The following PTPRD variants were observed in gnomAD, a reference collection of about 807,000 sequenced individuals.
The protein encoded by PTPRD is receptor-type tyrosine-protein phosphatase delta.
In PTPRD, 34 loss-of-function variants were observed where a neutral mutation model predicts 214.5. That is an observed-to-expected ratio of 0.16 (90% CI 0.12 to 0.21). The LOEUF (loss-of-function observed/expected upper bound fraction) is 0.21. Among genes scored for constraint, PTPRD ranks in the 10% least tolerant of loss-of-function variants. The pLI is 1.00. For synonymous variants in PTPRD, 1,128 were observed against 845.7 expected (o/e 1.33, Z -5.79); for missense variants, 2,545 against 2,398.7 (o/e 1.06, Z -1.27).
chr9:9,760,029 C>T (rs1463375849), intron 6 of PTPRD, among the ~76,000 whole-genome samples: 2 of 152,084 alleles, frequency 1.3e-5, no homozygotes, highest in African/African-American at 4.8e-5. Context: ...AACTAGATTG[C>T]CAAGATTGTC....
intron 12 of PTPRD, among the ~76,000 whole-genome samples, chr9:8,705,608 A>C (rs2154399204): frequency 6.6e-6 from 1 of 152,328 alleles, no homozygotes; most frequent in Admixed American, 6.5e-5. Context: ...AGAAGACATA[A>C]AAGATATATC....
chr9:9,872,252 C>G (rs986726024), intron 5 of PTPRD, among the ~76,000 whole-genome samples: 2 of 152,046 alleles, frequency 1.3e-5, no homozygotes, highest in African/African-American at 4.8e-5. Context: ...GAATTCCAGC[C>G]AGAATATATA....
At chr9:9,977,958 T>C (rs1410051143) in intron 4 of PTPRD, among the ~76,000 whole-genome samples, 1 of 152,124 alleles carries the variant, frequency 6.6e-6, no homozygotes, top group Non-Finnish European at 1.5e-5. Context: ...GCTTTTGCTT[T>C]CATCTAGCAC....
intron 11 of PTPRD, among the ~76,000 whole-genome samples, chr9:8,953,302 C>G (rs991290263): frequency 6.6e-6 from 1 of 151,756 alleles, no homozygotes; most frequent in Non-Finnish European, 1.5e-5. Flanking sequence ...GAATGGCTAT[C>G]CATATGCAGA....
intron 10 of PTPRD, among the ~76,000 whole-genome samples, chr9:9,121,119 C>T (rs1207197796): frequency 6.6e-6 from 1 of 152,166 alleles, no homozygotes; most frequent in Non-Finnish European, 1.5e-5. Context: ...GATAATTTCT[C>T]TTGTAGTAAA....
chr9:9,796,534 C>T (rs962465181), intron 5 of PTPRD, among the ~76,000 whole-genome samples: 10 of 152,018 alleles, frequency 6.6e-5, no homozygotes, highest in African/African-American at 2.2e-4. Context: ...GATGAGAATT[C>T]TCAGGGAGGG....
At chr9:8,600,374 C>A (rs1456872601) in intron 14 of PTPRD, among the ~76,000 whole-genome samples, 2 of 152,150 alleles carry the variant, frequency 1.3e-5, no homozygotes, top group Admixed American at 6.5e-5. Flanking sequence ...TAGTGCTGCA[C>A]TGGGCTCACG....
chr9:8,755,305 G>A (rs1334545510), intron 11 of PTPRD, among the ~76,000 whole-genome samples: 1 of 151,706 alleles, frequency 6.6e-6, no homozygotes, highest in African/African-American at 2.4e-5. Context: ...CGAGGTGGAC[G>A]GATCACATGA....
intron 7 of PTPRD, among the ~76,000 whole-genome samples, chr9:9,615,518 T>C (rs547212551): frequency 2.3e-4 from 35 of 152,354 alleles, no homozygotes; most frequent in Middle Eastern, 3.4e-3. Flanking sequence ...GGTTGCCATA[T>C]AAAATTTCCT....
chr9:9,375,836 G>A (rs184191873), intron 9 of PTPRD, among the ~76,000 whole-genome samples: 61 of 152,156 alleles, frequency 4.0e-4, no homozygotes, highest in African/African-American at 1.4e-3. Flanking sequence ...GTCAGTTTGC[G>A]ATGATGAAAA....
chr9:8,595,534 A>T (rs2094434216), intron 14 of PTPRD, among the ~76,000 whole-genome samples: 1 of 152,224 alleles, frequency 6.6e-6, no homozygotes, highest in Non-Finnish European at 1.5e-5. Context: ...GTATAGTCAC[A>T]TAATCTTTCA....
chr9:9,101,245 A>G (rs958597227), intron 10 of PTPRD, among the ~76,000 whole-genome samples: 2 of 152,166 alleles, frequency 1.3e-5, no homozygotes, highest in Admixed American at 6.5e-5. Flanking sequence ...TCTTTCAGAA[A>G]GATCTGAGCT....
Position 9,172,485 on chromosome 9 carries a change from G to A in PTPRD, c.-143+10819C>T, listed in dbSNP as rs532899474. Among the ~76,000 whole-genome samples the A allele has an allele frequency of 1.2e-4, 18 of 152,062 alleles. No individual in the cohort carries two copies. The South Asian group carries it at 1.7e-3, about 14-fold the overall frequency. On this transcript the variant is annotated intron_variant, in intron 10 of 45. Transcript: ENST00000381196. ...TTTCTGGAGAAGTGATCCCTTGCCC[G>A]TTTGGACCTAGATTAAGCAGCATTA...
chr9:9,857,901 T>C (rs1276590248), intron 5 of PTPRD, among the ~76,000 whole-genome samples: 1 of 148,340 alleles, frequency 6.7e-6, no homozygotes, highest in Non-Finnish European at 1.5e-5. Context: ...AGTTGATTAA[T>C]ACTCTACTTT....
intron 7 of PTPRD, among the ~76,000 whole-genome samples, chr9:9,678,267 C>A (rs1205341066): frequency 2.6e-5 from 4 of 152,110 alleles, no homozygotes; most frequent in African/African-American, 9.7e-5. Flanking sequence ...CCAAGACAAT[C>A]TTAAGCCAAA....
chr9:10,180,030 G>C lies in PTPRD; in HGVS notation c.-544-146240C>G, dbSNP rs1038528700. Among the ~76,000 whole-genome samples, 4 of 150,412 alleles carry C rather than the reference G, an allele frequency of 2.7e-5. No homozygotes were observed. The Admixed American group carries it at 2.7e-4, about 10-fold the overall frequency. ...ATAGCAATTAGAATAAATATTAGTA[G>C]GCTAATCAGAAGATAGAGACTTACA... is the stretch of plus-strand genomic sequence containing the variant. On this transcript the variant is annotated intron_variant, in intron 3 of 45. Coordinates refer to ENST00000381196, the MANE Select transcript of PTPRD (RefSeq NM_002839.4).
At chr9:10,252,237 C>T (rs1441514167) in intron 3 of PTPRD, among the ~76,000 whole-genome samples, 2 of 152,148 alleles carry the variant, frequency 1.3e-5, no homozygotes, top group Non-Finnish European at 1.5e-5. Context: ...GCACGATGGA[C>T]ATGAAATGGT....
intron 2 of PTPRD, among the ~76,000 whole-genome samples, chr9:10,547,007 G>A (rs1352985106): frequency 6.6e-6 from 1 of 152,054 alleles, no homozygotes; most frequent in Non-Finnish European, 1.5e-5. Flanking sequence ...CAGGTCATCT[G>A]CTGTAGGGTT....
At chr9:8,359,412 C>A (rs1160909149) in intron 39 of PTPRD, among the ~76,000 whole-genome samples, 1 of 151,898 alleles carries the variant, frequency 6.6e-6, no homozygotes, top group Non-Finnish European at 1.5e-5. Context: ...GCAACTTCCA[C>A]CTCCCAGGTT....
Sources: allele counts gnomAD v4.1 joint callset (sites outside exome capture counted in the v4.1 genomes callset), GRCh38; gene constraint gnomAD v4.1.1; transcripts MANE v1.5; gene names NCBI Gene and HGNC (gene_info 2026-07-23, HGNC 2026-07-21).